The following MAP7 variants were observed in gnomAD, a reference collection of about 807,000 sequenced individuals.
MAP7 encodes the protein microtubule associated protein 7, also known as ensconsin.
In MAP7, 52 loss-of-function variants were observed where a neutral mutation model predicts 94.8. The observed-to-expected ratio is 0.55, with a 90% CI of 0.44 to 0.69. The LOEUF is 0.69. Among genes scored for constraint, MAP7 ranks in the 30% least tolerant of loss-of-function variants. MAP7 has a pLI of 0.00. For missense variants in MAP7, 940 were observed against 964.6 expected (o/e 0.97, Z 0.34); for synonymous variants, 350 against 357.0 (o/e 0.98, Z 0.22).
In MAP7 at chr6:136,550,261, G is replaced by T; in HGVS notation, c.67+81C>A. 2 of 1,250,548 alleles carry T rather than the reference G, an allele frequency of 1.6e-6. No individual in the cohort carries two copies. Among genetic ancestry groups the T allele is most frequent in the South Asian group, 2.0e-5 (1 of 50,826 alleles). The allele number at this position is 1,250,548 out of a possible 1,614,324, so 77.5% of individuals were successfully genotyped here. A position where few individuals can be genotyped will look rare whatever the true frequency, so the allele number is the denominator to read the frequency against. ...GGCGGGGAGGGGGCTGCCGGCGCCG[G>T]GTGATTTCGGTGCCAGCCCGCCGGC... On this transcript the variant is annotated intron_variant, in intron 1 of 17. Transcript: ENST00000354570. This position sits in a 1 kb window ranked among gnomAD's most constrained non-coding sequence, Gnocchi z 5.1.
intron 1 of MAP7, among the ~76,000 whole-genome samples, chr6:136,495,882 C>A (rs576942323): frequency 6.6e-6 from 1 of 151,740 alleles, no homozygotes; most frequent in East Asian, 1.9e-4. Context: ...CATATCAAAA[C>A]AAAGAAAAAT....
rs1830014313 is a variant in MAP7 at position 136,550,017 on chromosome 6, C to T, written c.67+325G>A. Among the ~76,000 whole-genome samples, 1 of 152,144 alleles carries T rather than the reference C, an allele frequency of 6.6e-6. No homozygotes were observed. The highest frequency in any genetic ancestry group is 1.5e-5 in the Non-Finnish European group (1 of 68,004). On this transcript the variant is annotated intron_variant, in intron 1 of 17. Transcript: ENST00000354570. This position sits in a 1 kb window ranked among gnomAD's most constrained non-coding sequence, Gnocchi z 5.1. ...CCATTCAACTGAATTAGACCCGAGG[C>T]CGCGGCGGGGAGGGCAGCGGCCGGG...
chr6:136,395,159 C>A (rs1022023096), intron 3 of MAP7, among the ~76,000 whole-genome samples: 2 of 151,162 alleles, frequency 1.3e-5, no homozygotes, highest in Non-Finnish European at 2.9e-5. Context: ...TCTTCCATAG[C>A]GGCTACACTA....
intron 1 of MAP7, among the ~76,000 whole-genome samples, chr6:136,518,165 T>C (rs1379537165): frequency 6.6e-6 from 1 of 152,174 alleles, no homozygotes; most frequent in Non-Finnish European, 1.5e-5. Context: ...TAATATCTTT[T>C]TACTACTTTA....
In MAP7 at chr6:136,362,589, C is replaced by T; in HGVS notation, c.1387G>A (p.Ala463Thr). Residue 463 changes from alanine to threonine, a missense_variant, in exon 11 of 18, where the codon GCC becomes ACC. Coordinates refer to ENST00000354570, the MANE Select transcript of MAP7 (RefSeq NM_003980.6). ...GCAGAAGTCTTAACAGAAGCACTGGCATTCACAGTGGATGACGGGGCTGAG... is the reference window on the plus strand; with the variant it reads ...GCAGAAGTCTTAACAGAAGCACTGGTATTCACAGTGGATGACGGGGCTGAG... ...MVSAPSSTVNASASVKTSAGT... is the reference protein window; with the variant it reads ...MVSAPSSTVNTSASVKTSAGT... 6.2e-7 allele frequency: 1 copy of T among 1,614,096 alleles called. No homozygotes were observed. The highest frequency in any genetic ancestry group is 8.5e-7 in the Non-Finnish European group (1 of 1,180,038).
chr6:136,520,829 A>G (rs563876151), intron 1 of MAP7, among the ~76,000 whole-genome samples: 236 of 152,366 alleles, frequency 1.5e-3, no homozygotes, highest in Non-Finnish European at 2.6e-3. Flanking sequence ...ATGATGGAGC[A>G]GGCAAATGCA....
chr6:136,513,631 G>A (rs1403136182), intron 1 of MAP7, among the ~76,000 whole-genome samples: 4 of 152,168 alleles, frequency 2.6e-5, no homozygotes, highest in Admixed American at 2.6e-4. Context: ...AGTTTTGTAT[G>A]GTAGATGCAC....
At chr6:136,504,694 T>A (rs1420398307) in intron 1 of MAP7, among the ~76,000 whole-genome samples, 3 of 151,576 alleles carry the variant, frequency 2.0e-5, no homozygotes, top group African/African-American at 4.9e-5. Flanking sequence ...TTTAAAAAAA[T>A]TTTTTAGACA....
chr6:136,388,572 T>C, intron 4 of MAP7, 62 bp from the exon 5 acceptor site: 1 of 1,355,768 alleles, frequency 7.4e-7, no homozygotes, highest in Non-Finnish European at 1.1e-6. Flanking sequence ...CTTCTTCAAT[T>C]TAAGGCAGAA....
intron 1 of MAP7, among the ~76,000 whole-genome samples, chr6:136,426,573 C>T (rs1793217611): frequency 6.6e-6 from 1 of 152,082 alleles, no homozygotes; most frequent in Non-Finnish European, 1.5e-5. Flanking sequence ...CACAGCAGTC[C>T]CTGGGCAAAG....
chr6:136,440,627 G>A lies in MAP7; in HGVS notation c.68-18828C>T, dbSNP rs1480355196. On this transcript the variant is annotated intron_variant, in intron 1 of 17. Transcript: ENST00000354570. ...TTTTTTTCTCACTTGTTGCAAGGAG[G>A]AAACTATACATTTTGTATATTACAT... Among the ~76,000 whole-genome samples, 8 of 152,132 alleles carry A rather than the reference G, an allele frequency of 5.3e-5. No individual in the cohort carries two copies. In the East Asian group the frequency reaches 5.8e-4, roughly 11 times the overall value.
chr6:136,550,100 G>A lies in MAP7; in HGVS notation c.67+242C>T, dbSNP rs895474999. The stretch of plus-strand genomic sequence containing the variant: ...CCTGTTGCGGGAAAGTCGCGGTGGA[G>A]CGCCCGAGGGCGGCCGCAACCCCGG... On this transcript the variant is annotated intron_variant, in intron 1 of 17. Transcript: ENST00000354570. The surrounding 1 kb of genome is among the most constrained non-coding windows in gnomAD (Gnocchi z 5.1). Among the ~76,000 whole-genome samples, 2 of 151,196 alleles carry A rather than the reference G, an allele frequency of 1.3e-5. No homozygotes were observed. Among genetic ancestry groups the A allele is most frequent in the East Asian group, 3.9e-4 (2 of 5,102 alleles).
chr6:136,531,655 G>A (rs544700435), intron 1 of MAP7, among the ~76,000 whole-genome samples: 2 of 144,298 alleles, frequency 1.4e-5, no homozygotes, highest in East Asian at 2.0e-4. Context: ...TAACTACTTC[G>A]TCCAAGTAAA....
At chr6:136,434,401 C>T (rs1795811305) in intron 1 of MAP7, among the ~76,000 whole-genome samples, 1 of 151,264 alleles carries the variant, frequency 6.6e-6, no homozygotes, top group Non-Finnish European at 1.5e-5. Flanking sequence ...GTAATTAAGG[C>T]TATCATCCTG....
Position 136,372,533 on chromosome 6 carries a change from A to G in MAP7, c.844T>C (p.Ser282Pro). The G allele has an allele frequency of 6.2e-7, 1 of 1,614,148 alleles. No individual in the cohort carries two copies. The highest frequency in any genetic ancestry group is 8.5e-7 in the Non-Finnish European group (1 of 1,180,024). The change falls in exon 8 of 18, where the codon TCT (serine) becomes CCT (proline). Residue 282 changes from serine to proline, a missense_variant. Transcript: ENST00000354570. ...PKLFVTPPEG[S>P]SRRRIIHGTA... is the part of the protein sequence containing the mutation. ...CCATGAATGATCCTCCTGCGAGAAG[A>G]GCCCTCAGGTGGTGTTACAAAGAGT...
chr6:136,467,779 C>A (rs933605394), intron 1 of MAP7, among the ~76,000 whole-genome samples: 1 of 152,108 alleles, frequency 6.6e-6, no homozygotes, highest in African/African-American at 2.4e-5. Flanking sequence ...GGCCAGAACA[C>A]TTTGATTACA....
intron 1 of MAP7, among the ~76,000 whole-genome samples, chr6:136,469,211 A>T (rs1478209312): frequency 2.0e-5 from 3 of 152,178 alleles, no homozygotes; most frequent in Non-Finnish European, 4.4e-5. Flanking sequence ...AAATCCACAC[A>T]TCATTCTTGG....
chr6:136,522,472 A>C (rs1296961000), intron 1 of MAP7, among the ~76,000 whole-genome samples: 1 of 152,156 alleles, frequency 6.6e-6, no homozygotes, highest in East Asian at 1.9e-4. Context: ...ATGTTTGCCC[A>C]ACAGTATGGT....
chr6:136,419,181 T>A (rs1790463409), intron 2 of MAP7, among the ~76,000 whole-genome samples: 1 of 152,212 alleles, frequency 6.6e-6, no homozygotes, highest in Admixed American at 6.5e-5. Context: ...GGTTTATCCA[T>A]CATACTGTCA....
Sources: allele counts gnomAD v4.1 joint callset (sites outside exome capture counted in the v4.1 genomes callset), GRCh38; gene constraint gnomAD v4.1.1; non-coding constraint Gnocchi (gnomAD v3.1); transcripts MANE v1.5; gene names NCBI Gene and HGNC (gene_info 2026-07-23, HGNC 2026-07-21).